The following MAGI3 variants were observed in gnomAD, a reference collection of about 807,000 sequenced individuals.
MAGI3 encodes the protein membrane-associated guanylate kinase, WW and PDZ domain-containing protein 3.
Under a neutral mutation model 121.8 loss-of-function variants are expected in MAGI3, and 43 were observed. The observed-to-expected ratio is 0.35, with a 90% confidence interval of 0.28 to 0.46. The LOEUF (loss-of-function observed/expected upper bound fraction) is 0.46. Among genes scored for constraint, MAGI3 ranks in the 20% least tolerant of loss-of-function variants. The pLI, the probability that MAGI3 is intolerant of heterozygous loss-of-function variation, is 1.00. For synonymous variants in MAGI3, 553 were observed against 639.3 expected (o/e 0.86, Z 2.04); for missense variants, 1,547 against 1,797.3 (o/e 0.86, Z 2.52).
chr1:113,411,152 A>C (rs1213912089), intron 1 of MAGI3, among the ~76,000 whole-genome samples: 2 of 152,196 alleles, frequency 1.3e-5, no homozygotes, highest in Admixed American at 1.3e-4. Flanking sequence ...ATAAGTTACC[A>C]AAGTATTTAA....
chr1:113,464,987 G>T (rs1655207123), intron 1 of MAGI3, among the ~76,000 whole-genome samples: 1 of 152,016 alleles, frequency 6.6e-6, no homozygotes, highest in African/African-American at 2.4e-5. Context: ...GCTGTCCAGA[G>T]CTTTTAGCTT....
chr1:113,515,792 G>C (rs1225746444), intron 1 of MAGI3, among the ~76,000 whole-genome samples: 1 of 152,042 alleles, frequency 6.6e-6, no homozygotes, highest in Non-Finnish European at 1.5e-5. Flanking sequence ...TTACCTTTTA[G>C]TTTAAAAGAC....
At chr1:113,551,044 T>G (rs1367113237) in intron 2 of MAGI3, among the ~76,000 whole-genome samples, 11 of 151,988 alleles carry the variant, frequency 7.2e-5, no homozygotes, top group Non-Finnish European at 1.6e-4. Context: ...CCGTGGCTTC[T>G]TCCCTTCCTC....
Position 113,683,131 on chromosome 1 carries a change from A to G in MAGI3, c.3563A>G (p.Gln1188Arg). 1 of 1,613,170 alleles carries G rather than the reference A, an allele frequency of 6.2e-7. No homozygotes were observed. The highest frequency in any genetic ancestry group is 8.5e-7 in the Non-Finnish European group (1 of 1,179,718). ...QPEIKHQSLL[Q>R]KNVSKRDPPS... ...GAGATAAAGCATCAGTCTCTTCTCC[A>G]GAAAAATGTGAGTAAGAGGGATCCA... is the stretch of plus-strand genomic sequence containing the variant. The change falls in exon 21 of 21, where the codon CAG (glutamine) becomes CGG (arginine). Residue 1188 changes from glutamine to arginine, a missense_variant. Gln to Arg is a conservative substitution (Grantham distance 43). Coordinates refer to ENST00000307546, the MANE Select transcript of MAGI3 (RefSeq NM_001142782.2).
chr1:113,679,969 A>T (rs1230655), intron 19 of MAGI3, among the ~76,000 whole-genome samples: 116,748 of 152,054 alleles, frequency 0.77, 45,865 homozygotes, highest in African/African-American at 0.91. Flanking sequence ...CCTCCCAGAG[A>T]GCTGGGATTA....
chr1:113,491,392 A>C (rs1036784938), intron 1 of MAGI3, among the ~76,000 whole-genome samples: 1 of 152,210 alleles, frequency 6.6e-6, no homozygotes, highest in South Asian at 2.1e-4. Flanking sequence ...TAAGAGGGAG[A>C]TTTATAGCAC....
In MAGI3 at chr1:113,641,991, C is replaced by T. The variant is rs1652568271; in HGVS notation, c.1441C>T (p.Pro481Ser). 2 of 1,613,904 alleles carry T rather than the reference C, an allele frequency of 1.2e-6. No individual in the cohort carries two copies. The highest frequency in any genetic ancestry group is 1.7e-6 in the Non-Finnish European group (2 of 1,179,930). The change falls in exon 10 of 21, where the codon CCT becomes TCT. Residue 481 changes from proline (P) to serine (S), a missense_variant. Physicochemically the swap from Pro to Ser is moderately conservative, Grantham distance 74. Transcript: ENST00000307546. ...TGTTGTCCAGATGTTTCAATTGGTA[C>T]CTGTCAATCAGTATGTAAACCTCAC... ...ADVVQMFQLV[P>S]VNQYVNLTLC...
In MAGI3 at chr1:113,443,635, A is replaced by G. The variant is rs187696788; in HGVS notation, c.316+52286A>G. ...ATGGAATATTGTGAGTAACTGGTAC[A>G]ATCCCATCCGTAGTTTTTGTTTTAG... On this transcript the variant is annotated intron_variant, in intron 1 of 20. Transcript: ENST00000307546. Among the ~76,000 whole-genome samples the G allele has an allele frequency of 2.0e-5, 3 of 152,356 alleles. No homozygotes were observed. The East Asian group carries it at 5.8e-4, about 29-fold the overall frequency.
chr1:113,504,170 G>A (rs1047418249), intron 1 of MAGI3, among the ~76,000 whole-genome samples: 2 of 151,900 alleles, frequency 1.3e-5, no homozygotes, highest in African/African-American at 2.4e-5. Context: ...TCTTCTAGGG[G>A]ACCCTGTTGA....
At chr1:113,530,418 C>T (rs963881916) in intron 1 of MAGI3, among the ~76,000 whole-genome samples, 18 of 150,996 alleles carry the variant, frequency 1.2e-4, no homozygotes, top group African/African-American at 9.7e-5. Flanking sequence ...TGGACACAAA[C>T]GGGAACAACA....
intron 1 of MAGI3, among the ~76,000 whole-genome samples, chr1:113,460,801 T>A (rs1416279809): frequency 6.7e-6 from 1 of 149,296 alleles, no homozygotes; most frequent in Non-Finnish European, 1.5e-5. Flanking sequence ...AGAGCGAGAC[T>A]CCATCTCAAA....
rs951827028 is a variant in MAGI3 at position 113,683,384 on chromosome 1, A to G, written c.3816A>G (p.Ala1272=). 1.1e-5 allele frequency: 17 copies of G among 1,613,934 alleles called. No individual in the cohort carries two copies. Among genetic ancestry groups the G allele is most frequent in the Non-Finnish European group, 1.3e-5 (15 of 1,179,908 alleles). ...ENKSCQVSTR[A]GSGQDQCRKS... The stretch of plus-strand genomic sequence containing the variant: ...AAAGTTGTCAGGTCAGCACCAGGGC[A>G]GGCTCTGGACAAGATCAGTGCAGAA... Residue 1272 remains alanine (A), a synonymous_variant, in exon 21 of 21, where the codon GCA becomes GCG. Coordinates refer to ENST00000307546, the MANE Select transcript of MAGI3 (RefSeq NM_001142782.2).
intron 1 of MAGI3, among the ~76,000 whole-genome samples, chr1:113,533,351 CAT>C (rs1222994719): frequency 2.0e-5 from 3 of 152,172 alleles, no homozygotes; most frequent in Admixed American, 1.3e-4. Flanking sequence ...ACCAAATCCA[CAT>C]GTTTTCATTT....
At position 113,581,737 on chromosome 1, in the gene MAGI3, A is replaced by G. The variant is rs187768260; in HGVS notation, c.553+1076A>G. 5.3e-4 allele frequency among the ~76,000 whole-genome samples: 81 copies of G among 152,244 alleles called. 4 individuals carry two copies. Among genetic ancestry groups the G allele is most frequent in the Non-Finnish European group, 2.1e-4 (14 of 67,974 alleles). Reference sequence around the variant, plus strand: ...GTCTCTCTCCTATTCAGAACTTTCAATGATTTCCTTTCATCTGCTAAGTTT... The same window carrying G: ...GTCTCTCTCCTATTCAGAACTTTCAGTGATTTCCTTTCATCTGCTAAGTTT... On this transcript the variant is annotated intron_variant, in intron 3 of 20. Coordinates refer to ENST00000307546, the MANE Select transcript of MAGI3 (RefSeq NM_001142782.2).
At chr1:113,606,087 TC>T in intron 6 of MAGI3, among the ~76,000 whole-genome samples, 1 of 152,194 alleles carries the variant, frequency 6.6e-6, no homozygotes. Context: ...TGCCTCAGCC[TC>T]CCCAGTAGCT....
intron 16 of MAGI3, among the ~76,000 whole-genome samples, chr1:113,666,787 T>TATTTCTTAAA (rs1296832310): frequency 6.6e-6 from 1 of 152,226 alleles, no homozygotes. Context: ...TTACCAAATA[T>TATTTCTTAAA]ATTTCTTAAA....
At chr1:113,594,615 C>T in intron 6 of MAGI3, 55 bp downstream of exon 6, 1 of 1,462,666 alleles carries the variant, frequency 6.8e-7, no homozygotes. Context: ...CTTTCTTGCT[C>T]TTCTTGCTCA....
chr1:113,611,408 A>T (rs1191571736), intron 6 of MAGI3, among the ~76,000 whole-genome samples: 1 of 152,052 alleles, frequency 6.6e-6, no homozygotes, highest in Non-Finnish European at 1.5e-5. Context: ...TTATTCAATA[A>T]ATATTTGATA....
At chr1:113,565,240 A>G (rs984726320) in intron 2 of MAGI3, among the ~76,000 whole-genome samples, 1 of 152,156 alleles carries the variant, frequency 6.6e-6, no homozygotes, top group Non-Finnish European at 1.5e-5. Flanking sequence ...AAAAAAATGT[A>G]TTTCATTTTG....
Sources: gnomAD v4.1 joint callset for allele counts (sites outside exome capture counted in the v4.1 genomes callset) on GRCh38, gnomAD v4.1.1 for gene constraint, MANE v1.5 for transcripts, NCBI Gene and HGNC (gene_info 2026-07-23, HGNC 2026-07-21) for gene names.